RALA: variants seen among roughly 807,000 people sequenced by gnomAD.
RALA encodes RAS like proto-oncogene A, also known as ras-related protein Ral-A.
A neutral mutation model predicts 24.0 loss-of-function variants in RALA; 5 were observed. That is an observed-to-expected ratio of 0.21 (90% CI 0.11 to 0.44). The LOEUF is 0.44. Ranked by LOEUF, RALA falls within the 20% of genes least tolerant of loss-of-function variation. The pLI is 0.99. For synonymous variants in RALA, 77 were observed against 83.8 expected (o/e 0.92, Z 0.44); for missense variants, 95 against 241.2 (o/e 0.39, Z 4.01).
chr7:39,658,747 T>A (rs757458653), intron 1 of RALA, among the ~76,000 whole-genome samples: 20 of 152,064 alleles, frequency 1.3e-4, no homozygotes, highest in Non-Finnish European at 2.4e-4. Flanking sequence ...TTTTTAGTTT[T>A]TTTATTTTAA....
Position 39,697,424 on chromosome 7 carries a change from G to A in RALA, c.498+565G>A, listed in dbSNP as rs556438195. The A allele has an allele frequency of 2.4e-4, 109 of 456,682 alleles. 1 individual carries two copies. In the Admixed American group the frequency reaches 2.6e-3, roughly 11 times the overall value. 28.3% of individuals were successfully genotyped at this position (456,682 alleles called of 1,614,324 possible). A position where few individuals can be genotyped will look rare whatever the true frequency, so the allele number is the denominator to read the frequency against. The stretch of plus-strand genomic sequence containing the variant: ...TTTGTTCAGAGTGGCCCTTCCTGAA[G>A]ACCAGATGTGGAACACCTGCAAGTA... On this transcript the variant is annotated intron_variant, in intron 4 of 4. Transcript: ENST00000005257.
Position 39,686,642 on chromosome 7 carries a change from T to C in RALA, c.-26T>C. The C allele has an allele frequency of 6.6e-7, 1 of 1,526,652 alleles. No homozygotes were observed. Among genetic ancestry groups the C allele is most frequent in the Non-Finnish European group, 9.1e-7 (1 of 1,100,402 alleles). The allele number at this position is 1,526,652 out of a possible 1,614,324, so 94.6% of individuals were successfully genotyped here. A position where few individuals can be genotyped will look rare whatever the true frequency, so the allele number is the denominator to read the frequency against. On this transcript the variant is annotated 5_prime_UTR_variant, in exon 2 of 5. Transcript: ENST00000005257. ...TTCATTCTTCTTAGATTCTTCTTAA[T>C]CCTTTGGTGAAAACTGAGACACAAA...
chr7:39,672,448 C>A (rs1012068919), intron 1 of RALA, among the ~76,000 whole-genome samples: 2 of 152,030 alleles, frequency 1.3e-5, no homozygotes, highest in Non-Finnish European at 2.9e-5. Flanking sequence ...AGTGGAAATG[C>A]AAAAAGGTAC....
In RALA at chr7:39,640,627, T is replaced by C. The variant is rs376237470; in HGVS notation, c.-38+16802T>C. 2.6e-4 allele frequency among the ~76,000 whole-genome samples: 39 copies of C among 152,366 alleles called. 2 individuals are homozygous for C. In the South Asian group the frequency reaches 8.1e-3, roughly 32 times the overall value. On this transcript the variant is annotated intron_variant, in intron 1 of 4. Transcript: ENST00000005257. Reference sequence around the variant, plus strand: ...GATGTTGACCATGAGCCTTTCTTAATGTTTTCTAATTTCCCATGAGACTTT... The same window carrying C: ...GATGTTGACCATGAGCCTTTCTTAACGTTTTCTAATTTCCCATGAGACTTT...
chr7:39,670,365 T>TC (rs1388533034), intron 1 of RALA, among the ~76,000 whole-genome samples: 1 of 152,230 alleles, frequency 6.6e-6, no homozygotes, highest in East Asian at 1.9e-4. Context: ...CAGGCTGGTC[T>TC]CAAACACCTG....
At chr7:39,653,320 G>A (rs1007760665) in intron 1 of RALA, among the ~76,000 whole-genome samples, 4 of 151,778 alleles carry the variant, frequency 2.6e-5, no homozygotes, top group Non-Finnish European at 4.4e-5. Flanking sequence ...GAGCCACCAC[G>A]CCCGGCCTAT....
At chr7:39,636,280 C>T (rs1170128876) in intron 1 of RALA, among the ~76,000 whole-genome samples, 6 of 152,160 alleles carry the variant, frequency 3.9e-5, no homozygotes, top group Admixed American at 1.3e-4. Context: ...TTTTGAAGAC[C>T]AGCCAAACTT....
chr7:39,699,337 T>C (rs907598501), intron 4 of RALA, among the ~76,000 whole-genome samples: 6 of 151,118 alleles, frequency 4.0e-5, no homozygotes, highest in Non-Finnish European at 8.8e-5. Context: ...AGACGGGGTT[T>C]CACCTTGTTA....
intron 4 of RALA, among the ~76,000 whole-genome samples, chr7:39,703,685 A>G (rs985046787): frequency 6.6e-6 from 1 of 152,252 alleles, no homozygotes; most frequent in Non-Finnish European, 1.5e-5. Flanking sequence ...ATTAAAAGAA[A>G]AAAATGTGAT....
At chr7:39,654,295 G>C (rs1462796818) in intron 1 of RALA, among the ~76,000 whole-genome samples, 3 of 152,090 alleles carry the variant, frequency 2.0e-5, no homozygotes, top group Non-Finnish European at 4.4e-5. Context: ...AGAATAAGAA[G>C]GTATTTGAAT....
rs1792617359 is a variant in RALA, at chr7:39,682,284, A to T, written c.-37-4347A>T. 2.0e-5 allele frequency among the ~76,000 whole-genome samples: 3 copies of T among 152,160 alleles called. No individual in the cohort carries two copies. The South Asian group carries it at 6.2e-4, about 32-fold the overall frequency. ...CTCAGTATAGGTGGTATTAGTAGTT[A>T]TACGGGAACTGGTAATACCATTGCT... is the stretch of plus-strand genomic sequence containing the variant. On this transcript the variant is annotated intron_variant, in intron 1 of 4. Coordinates refer to ENST00000005257, the MANE Select transcript of RALA (RefSeq NM_005402.4).
chr7:39,639,035 A>G (rs1791734395), intron 1 of RALA, among the ~76,000 whole-genome samples: 2 of 152,232 alleles, frequency 1.3e-5, no homozygotes, highest in South Asian at 4.1e-4. Flanking sequence ...GACAGTTGTT[A>G]CACAGTAAGT....
intron 1 of RALA, among the ~76,000 whole-genome samples, chr7:39,643,785 A>G (rs1053878797): frequency 2.0e-5 from 3 of 152,184 alleles, no homozygotes; most frequent in Non-Finnish European, 4.4e-5. Flanking sequence ...TGAACCTGGA[A>G]GGCAGAGGTT....
At chr7:39,691,900 A>C (rs2116085578) in intron 3 of RALA, among the ~76,000 whole-genome samples, 1 of 152,360 alleles carries the variant, frequency 6.6e-6, no homozygotes, top group African/African-American at 2.4e-5. Flanking sequence ...TCTTGTTCTA[A>C]GTAATGGAAT....
intron 1 of RALA, among the ~76,000 whole-genome samples, chr7:39,681,089 C>T (rs1653164379): frequency 6.6e-6 from 1 of 152,122 alleles, no homozygotes; most frequent in Admixed American, 6.6e-5. Context: ...AACTTTGCTC[C>T]TAGAGTTCAC....
chr7:39,681,307 T>A (rs79814006), intron 1 of RALA, among the ~76,000 whole-genome samples: 5 of 67,996 alleles, frequency 7.4e-5, no homozygotes, highest in African/African-American at 4.5e-4. Flanking sequence ...TATTCCTTTT[T>A]TTTTTTTTTT....
At chr7:39,653,026 A>G (rs1030478289) in intron 1 of RALA, among the ~76,000 whole-genome samples, 1 of 144,448 alleles carries the variant, frequency 6.9e-6, no homozygotes, top group African/African-American at 2.6e-5. Context: ...TCAAACTATT[A>G]TTATTATTAT....
Position 39,696,789 on chromosome 7 carries a change from A to G in RALA, c.428A>G (p.Lys143Arg). The G allele has an allele frequency of 6.2e-7, 1 of 1,614,000 alleles. No homozygotes were observed. Among genetic ancestry groups the G allele is most frequent in the Non-Finnish European group, 8.5e-7 (1 of 1,179,906 alleles). Residue 143 changes from lysine to arginine, a missense_variant, in exon 4 of 5, where the codon AAA (lysine) becomes AGA (arginine). Physicochemically the swap from Lys to Arg is conservative, Grantham distance 26. Coordinates refer to ENST00000005257, the MANE Select transcript of RALA (RefSeq NM_005402.4). ...AGACAGGTTTCTGTAGAAGAGGCAAAAAACAGAGCTGAGCAGTGGAATGTT... is the reference window on the plus strand; with the variant it reads ...AGACAGGTTTCTGTAGAAGAGGCAAGAAACAGAGCTGAGCAGTGGAATGTT... ...DKRQVSVEEA[K>R]NRAEQWNVNY...
chr7:39,705,609 GTTGTT>G lies in RALA; in HGVS notation c.499-512_499-508del, dbSNP rs1276433903. On this transcript the variant is annotated intron_variant, in intron 4 of 4. Transcript: ENST00000005257. ...TCTCAAATACAGAGTAACAGACAAAGTTGTTTCATAGTGTCTGGTATCAAGATGAT... is the reference window on the plus strand; with the variant it reads ...TCTCAAATACAGAGTAACAGACAAAGTCATAGTGTCTGGTATCAAGATGAT... Among the ~76,000 whole-genome samples, 8 of 152,104 alleles carry G rather than the reference GTTGTT, an allele frequency of 5.3e-5. No homozygotes were observed. In the East Asian group the frequency reaches 1.5e-3, roughly 29 times the overall value.
Sources: allele counts gnomAD v4.1 joint callset (sites outside exome capture counted in the v4.1 genomes callset), GRCh38; gene constraint gnomAD v4.1.1; transcripts MANE v1.5; gene names NCBI Gene and HGNC (gene_info 2026-07-23, HGNC 2026-07-21).